RHEB: variants seen among roughly 807,000 people sequenced by gnomAD.
RHEB encodes the protein Ras homolog, mTORC1 binding, also known as GTP-binding protein Rheb.
A neutral mutation model predicts 28.8 loss-of-function variants in RHEB; 2 were observed. The ratio of observed to expected loss-of-function variants is 0.07; its 90% CI spans 0.03 to 0.22. RHEB has a LOEUF of 0.22. RHEB is among the 10% of genes least tolerant of loss of function. The pLI, the probability that RHEB is intolerant of heterozygous loss-of-function variation, is 1.00. For synonymous variants in RHEB, 69 were observed against 77.3 expected, an observed-to-expected ratio of 0.89 and a Z score of 0.56; for missense variants, 76 against 219.9, an observed-to-expected ratio of 0.35 and a Z score of 4.14.
intron 1 of RHEB, among the ~76,000 whole-genome samples, chr7:151,505,999 G>A (rs1802869918): frequency 6.6e-6 from 1 of 152,094 alleles, no homozygotes; most frequent in African/African-American, 2.4e-5. Context: ...GGGCGTGAGG[G>A]ACATGAGAGA....
At chr7:151,467,260 C>A in intron 7 of RHEB, 49 bp from the exon 8 acceptor site, 1 of 1,410,116 alleles carries the variant, frequency 7.1e-7, no homozygotes, top group Non-Finnish European at 1.0e-6. Flanking sequence ...AAGCCGAACT[C>A]CGAGAGTATT....
intron 1 of RHEB, among the ~76,000 whole-genome samples, chr7:151,492,159 C>A (rs752903246): frequency 6.6e-6 from 1 of 152,164 alleles, no homozygotes; most frequent in African/African-American, 2.4e-5. Context: ...CACAACAGGA[C>A]GTGCAGTGAG....
Position 151,503,491 on chromosome 7 carries a change from C to T in RHEB, c.53-12477G>A, listed in dbSNP as rs1457490389. The T allele has an allele frequency of 3.1e-6, 3 of 958,336 alleles. No homozygotes were observed. In the Admixed American group the frequency reaches 5.5e-5, roughly 18 times the overall value. 59.4% of individuals were successfully genotyped at this position (958,336 alleles called of 1,614,324 possible). A position where few individuals can be genotyped will look rare whatever the true frequency, so the allele number is the denominator to read the frequency against. ...ATGAGTCTGGCAAAACGTGCCTCAC[C>T]CTCCAGCATCCAACCCAAGAAGCAT... On this transcript the variant is annotated intron_variant, in intron 1 of 7. Transcript: ENST00000262187.
chr7:151,492,388 G>A (rs1052146439), intron 1 of RHEB, among the ~76,000 whole-genome samples: 13 of 152,082 alleles, frequency 8.5e-5, no homozygotes, highest in Non-Finnish European at 1.8e-4. Flanking sequence ...GCTGAAGCGG[G>A]TGGATCACCT....
chr7:151,471,874 A>T (rs1389932792), intron 4 of RHEB: 2 of 400,434 alleles, frequency 5.0e-6, no homozygotes, highest in African/African-American at 2.1e-5. Context: ...AAACCACATA[A>T]ATGCAAATTT....
chr7:151,518,533 C>T (rs987505395), intron 1 of RHEB, among the ~76,000 whole-genome samples: 8 of 152,090 alleles, frequency 5.3e-5, no homozygotes, highest in African/African-American at 1.9e-4. Flanking sequence ...ACAATACAGC[C>T]TCACCCTGAA....
chr7:151,479,197 T>C (rs2150923698), intron 3 of RHEB, among the ~76,000 whole-genome samples: 1 of 152,250 alleles, frequency 6.6e-6, no homozygotes, highest in South Asian at 2.1e-4. Flanking sequence ...TATTGGCATT[T>C]CAATCAGTGA....
At position 151,471,376 on chromosome 7, in the gene RHEB, T is replaced by G. The variant is rs375572946; in HGVS notation, c.380+18A>C. ...GTGACTAAATCATCTTAGATTTGAC[T>G]TTATAAAAGCTACATACCTTTCCAT... On this transcript the variant is annotated intron_variant, in intron 6 of 7. Coordinates refer to ENST00000262187, the MANE Select transcript of RHEB (RefSeq NM_005614.4). 1.4e-6 allele frequency: 2 copies of G among 1,469,086 alleles called. No homozygotes were observed. The highest frequency in any genetic ancestry group is 2.8e-5 in the African/African-American group (2 of 71,112). 91.0% of individuals were successfully genotyped at this position (1,469,086 alleles called of 1,614,324 possible).
intron 6 of RHEB, 106 bp from the exon 7 acceptor site, chr7:151,470,758 T>A (rs1024295374): frequency 2.7e-6 from 2 of 735,170 alleles, no homozygotes; most frequent in African/African-American, 3.6e-5. Context: ...TTCTTTCTCA[T>A]GAAGCAGAAC....
chr7:151,476,762 AGCCAGCTGTT>A (rs1802279430), intron 4 of RHEB, among the ~76,000 whole-genome samples: 1 of 152,254 alleles, frequency 6.6e-6, no homozygotes, highest in Non-Finnish European at 1.5e-5. Context: ...TGCTGTATAC[AGCCAGCTGTT>A]CTGTTAACAG....
chr7:151,490,257 G>A (rs966095724), intron 2 of RHEB, among the ~76,000 whole-genome samples: 2 of 152,124 alleles, frequency 1.3e-5, no homozygotes, highest in Non-Finnish European at 2.9e-5. Flanking sequence ...GGGTAACACT[G>A]TGAGACTCAT....
chr7:151,508,815 C>T (rs1802933470), intron 1 of RHEB, among the ~76,000 whole-genome samples: 1 of 151,854 alleles, frequency 6.6e-6, no homozygotes, highest in Admixed American at 6.6e-5. Flanking sequence ...GGCAAGGCTG[C>T]TCTGTACCCT....
At chr7:151,518,127 C>T (rs1413499262) in intron 1 of RHEB, 1 of 152,206 alleles carries the variant, frequency 6.6e-6, no homozygotes, top group Non-Finnish European at 1.5e-5. Flanking sequence ...TGCATCCCCT[C>T]GGATTCAGCA....
At chr7:151,505,181 C>T (rs951234412) in intron 1 of RHEB, among the ~76,000 whole-genome samples, 5 of 139,776 alleles carry the variant, frequency 3.6e-5, no homozygotes, top group African/African-American at 1.1e-4. Flanking sequence ...AAAAAAAAAA[C>T]GAAAAAGTGA....
rs935829861 is a variant in RHEB at position 151,502,214 on chromosome 7, C to T, written c.53-11200G>A. The T allele has an allele frequency of 3.8e-5, 17 of 450,390 alleles. No homozygotes were observed. In the Admixed American group the frequency reaches 4.7e-4, roughly 12 times the overall value. 27.9% of individuals were successfully genotyped at this position (450,390 alleles called of 1,614,324 possible). ...TCACGCCACTGTACTCCAGCCTGGG[C>T]GACAGAGCTGTCTCAAAAAAAAAAA... On this transcript the variant is annotated intron_variant, in intron 1 of 7. Transcript: ENST00000262187.
At chr7:151,492,837 C>CTT (rs1584858418) in intron 1 of RHEB, among the ~76,000 whole-genome samples, 11 of 109,026 alleles carry the variant, frequency 1.0e-4, no homozygotes, top group African/African-American at 3.3e-4. Context: ...AAATTCTCAA[C>CTT]ATTTTTTTTT....
chr7:151,479,281 C>T (rs1802328283), intron 3 of RHEB, among the ~76,000 whole-genome samples: 2 of 152,008 alleles, frequency 1.3e-5, no homozygotes, highest in Non-Finnish European at 2.9e-5. Flanking sequence ...TAAGCTGGAA[C>T]TCCAATTCAC....
At chr7:151,508,996 TTTA>T (rs1232518695) in intron 1 of RHEB, among the ~76,000 whole-genome samples, 6 of 152,188 alleles carry the variant, frequency 3.9e-5, no homozygotes, top group Non-Finnish European at 8.8e-5. Context: ...AAGAAAGCAA[TTTA>T]TTATTATAAA....
chr7:151,501,938 A>AT, intron 1 of RHEB: 1 of 716,440 alleles, frequency 1.4e-6, no homozygotes, highest in South Asian at 1.4e-5. Context: ...CAAGAAGCTC[A>AT]TTAAGAGCTT....
Sources: gnomAD v4.1 joint callset for allele counts (sites outside exome capture counted in the v4.1 genomes callset) on GRCh38, gnomAD v4.1.1 for gene constraint, MANE v1.5 for transcripts, NCBI Gene and HGNC (gene_info 2026-07-23, HGNC 2026-07-21) for gene names.